The following EPB41L4A variants were observed in gnomAD, a reference collection of about 807,000 sequenced individuals.
EPB41L4A encodes the protein band 4.1-like protein 4A.
EPB41L4A carries 100 observed loss-of-function variants against 108.6 expected under a neutral mutation model. The ratio of observed to expected loss-of-function variants is 0.92; its 90% confidence interval spans 0.78 to 1.09. The LOEUF (loss-of-function observed/expected upper bound fraction) is 1.09, where lower values mean the gene tolerates loss of function less well. EPB41L4A is among the 50% of genes least tolerant of loss of function. The probability of loss-of-function intolerance (pLI) is 0.00; values close to 1 mark genes in which losing one functional copy is unlikely to be tolerated. For synonymous variants in EPB41L4A, 319 were observed against 289.0 expected, an observed-to-expected ratio of 1.10 and a Z score of -1.05; for missense variants, 1,030 against 842.7, an observed-to-expected ratio of 1.22 and a Z score of -2.75.
intron 1 of EPB41L4A, among the ~76,000 whole-genome samples, chr5:112,397,690 C>T (rs1289248567): frequency 6.6e-6 from 1 of 152,194 alleles, no homozygotes; most frequent in Non-Finnish European, 1.5e-5. Flanking sequence ...TAATATTCTA[C>T]ACTCATGGAA....
At chr5:112,315,588 CT>C (rs997633960) in intron 1 of EPB41L4A, among the ~76,000 whole-genome samples, 1 of 152,142 alleles carries the variant, frequency 6.6e-6, no homozygotes, top group African/African-American at 2.4e-5. Flanking sequence ...ATTCAGTTTA[CT>C]TTTAACTTTA....
At position 112,218,058 on chromosome 5, in the gene EPB41L4A, G is replaced by C. The variant is rs180707193; in HGVS notation, c.1088-8076C>G. 4.1e-4 allele frequency among the ~76,000 whole-genome samples: 62 copies of C among 152,310 alleles called. No homozygotes were observed. The East Asian group carries it at 9.3e-3, about 23-fold the overall frequency. ...TCTGCCCTTCCCCCAGTGCTACAGA[G>C]TGTGTGGAGGAGCTACAGGGTGTGG... On this transcript the variant is annotated intron_variant, in intron 12 of 22. Coordinates refer to ENST00000261486, the MANE Select transcript of EPB41L4A (RefSeq NM_022140.5).
intron 1 of EPB41L4A, among the ~76,000 whole-genome samples, chr5:112,362,312 ACC>A (rs1272687739): frequency 1.4e-5 from 2 of 141,608 alleles, no homozygotes; most frequent in African/African-American, 5.3e-5. Context: ...ATGGAGTCTC[ACC>A]CTGTCACCCA....
At chr5:112,317,419 G>C (rs1306780968) in intron 1 of EPB41L4A, among the ~76,000 whole-genome samples, 1 of 152,134 alleles carries the variant, frequency 6.6e-6, no homozygotes. Context: ...AGTTTGGCTA[G>C]AGTAACACAG....
At chr5:112,339,490 A>G (rs78114426) in intron 1 of EPB41L4A, among the ~76,000 whole-genome samples, 1 of 119,788 alleles carries the variant, frequency 8.3e-6, no homozygotes, top group Non-Finnish European at 1.6e-5. Flanking sequence ...ATATATATAT[A>G]TATATCTATA....
chr5:112,193,749 G>T (rs1761822414), intron 17 of EPB41L4A, among the ~76,000 whole-genome samples: 1 of 152,242 alleles, frequency 6.6e-6, no homozygotes, highest in African/African-American at 2.4e-5. Context: ...GTCCTGTCCT[G>T]TGCATCGCAC....
intron 7 of EPB41L4A, among the ~76,000 whole-genome samples, chr5:112,260,234 T>C (rs1751401029): frequency 6.6e-6 from 1 of 152,242 alleles, no homozygotes; most frequent in Non-Finnish European, 1.5e-5. Context: ...GGGCTACCAG[T>C]CAGGCCAATG....
chr5:112,411,220 T>G (rs759788977), intron 1 of EPB41L4A, among the ~76,000 whole-genome samples: 9 of 151,948 alleles, frequency 5.9e-5, no homozygotes, highest in Non-Finnish European at 1.3e-4. Flanking sequence ...ATCCAGAAAA[T>G]AAGGAAGTTG....
chr5:112,396,838 AC>A (rs1187759814), intron 1 of EPB41L4A, among the ~76,000 whole-genome samples: 1 of 152,242 alleles, frequency 6.6e-6, no homozygotes, highest in Non-Finnish European at 1.5e-5. Flanking sequence ...ATTAGCTTTT[AC>A]CTTCTGAAAG....
intron 4 of EPB41L4A, among the ~76,000 whole-genome samples, chr5:112,268,269 T>C (rs1402156508): frequency 6.6e-6 from 1 of 152,130 alleles, no homozygotes; most frequent in Non-Finnish European, 1.5e-5. Context: ...TCCCAGCTAC[T>C]TGGGAAGGTG....
chr5:112,154,692 A>C (rs1413233257), intron 12 of EPB41L4A, among the ~76,000 whole-genome samples: 1 of 152,180 alleles, frequency 6.6e-6, no homozygotes, highest in Non-Finnish European at 1.5e-5. Context: ...AATTTTTTTA[A>C]ATCTGAAATA....
intron 1 of EPB41L4A, among the ~76,000 whole-genome samples, chr5:112,347,674 T>C (rs1757771835): frequency 6.6e-6 from 1 of 152,258 alleles, no homozygotes; most frequent in East Asian, 1.9e-4. Flanking sequence ...GGCTTCCCTT[T>C]AGAACATAAT....
At chr5:112,276,812 C>CACCCTGGA (rs1176310293) in intron 3 of EPB41L4A, among the ~76,000 whole-genome samples, 7 of 152,194 alleles carry the variant, frequency 4.6e-5, no homozygotes, top group Non-Finnish European at 1.0e-4. Flanking sequence ...ATGTGTGCAG[C>CACCCTGGA]ACCCTGGAAC....
intron 2 of EPB41L4A, among the ~76,000 whole-genome samples, chr5:112,292,616 C>A (rs1364290422): frequency 1.3e-5 from 2 of 152,110 alleles, no homozygotes; most frequent in Admixed American, 1.3e-4. Context: ...GTACATGCAG[C>A]AAATTTGCAA....
At chr5:112,295,578 T>C (rs1463465719) in intron 2 of EPB41L4A, among the ~76,000 whole-genome samples, 2 of 152,206 alleles carry the variant, frequency 1.3e-5, no homozygotes, top group Non-Finnish European at 2.9e-5. Context: ...GCTGCTATAG[T>C]GCATTGCCCA....
chr5:112,195,700 T>G lies in EPB41L4A; in HGVS notation c.1385A>C (p.His462Pro), dbSNP rs1339718296. ...AAGATCTGAATCTTCACCACTGTTATGGGCTTTCCTGTGAAAACAAATGAA... is the reference window on the plus strand; with the variant it reads ...AAGATCTGAATCTTCACCACTGTTAGGGGCTTTCCTGTGAAAACAAATGAA... ...SVQPVRRRKA[H>P]NSGEDSDLKQ... Residue 462 changes from histidine (H) to proline (P), a missense_variant, in exon 16 of 23, where the codon CAT becomes CCT. By Grantham distance (77) the His-to-Pro change is moderately conservative (BLOSUM62 -2). Transcript: ENST00000261486. The G allele has an allele frequency of 1.9e-6, 3 of 1,612,912 alleles. No individual in the cohort carries two copies. The highest frequency in any genetic ancestry group is 3.4e-5 in the Admixed American group (2 of 59,638).
At chr5:112,204,804 A>C (rs994916513) in intron 14 of EPB41L4A, among the ~76,000 whole-genome samples, 1 of 152,234 alleles carries the variant, frequency 6.6e-6, no homozygotes, top group Admixed American at 6.5e-5. Context: ...TGACTCAGCT[A>C]AAGACTTTAC....
intron 1 of EPB41L4A, among the ~76,000 whole-genome samples, chr5:112,407,218 T>C (rs1378860179): frequency 1.3e-5 from 2 of 152,168 alleles, no homozygotes; most frequent in African/African-American, 4.8e-5. Flanking sequence ...ACACATTTAT[T>C]GGGATTTTTC....
intron 18 of EPB41L4A, among the ~76,000 whole-genome samples, chr5:112,176,879 C>T (rs993619916): frequency 2.0e-5 from 3 of 150,400 alleles, no homozygotes; most frequent in African/African-American, 7.3e-5. Context: ...CCCAGCCTCC[C>T]AAGTAGCTGG....
Sources: gnomAD v4.1 joint callset for allele counts (sites outside exome capture counted in the v4.1 genomes callset) on GRCh38, gnomAD v4.1.1 for gene constraint, MANE v1.5 for transcripts, NCBI Gene and HGNC (gene_info 2026-07-23, HGNC 2026-07-21) for gene names.